EHBP1: variants seen among roughly 807,000 people sequenced by gnomAD.
EHBP1 encodes EH domain-binding protein 1.
Under a neutral mutation model 144.0 loss-of-function variants are expected in EHBP1, and 55 were observed. The ratio of observed to expected loss-of-function variants is 0.38; its 90% confidence interval spans 0.31 to 0.48. The LOEUF (loss-of-function observed/expected upper bound fraction) is 0.48. Among genes scored for constraint, EHBP1 ranks in the 20% least tolerant of loss-of-function variants. EHBP1 has a pLI of 0.98. For missense variants in EHBP1, 1,200 were observed against 1,364.2 expected (o/e 0.88, Z 1.90); for synonymous variants, 469 against 472.7 (o/e 0.99, Z 0.10).
intron 3 of EHBP1, 60 bp downstream of exon 3, chr2:62,747,512 G>T: frequency 7.9e-7 from 1 of 1,271,654 alleles, no homozygotes; most frequent in Non-Finnish European, 1.1e-6. Context: ...AAACTGCTCT[G>T]GTTCCAGTGT....
chr2:62,774,688 A>T (rs541925891), intron 5 of EHBP1, among the ~76,000 whole-genome samples: 7 of 152,056 alleles, frequency 4.6e-5, no homozygotes, highest in Admixed American at 2.6e-4. Context: ...ACAAAAAAAT[A>T]AAAAAAATTA....
chr2:63,003,874 G>A (rs2059935535), intron 19 of EHBP1, among the ~76,000 whole-genome samples: 1 of 152,018 alleles, frequency 6.6e-6, no homozygotes, highest in South Asian at 2.1e-4. Flanking sequence ...CACTATGTAA[G>A]GAGTTAAAAT....
intron 1 of EHBP1, chr2:62,674,124 G>A (rs1341611139): frequency 2.1e-6 from 1 of 471,130 alleles, no homozygotes; most frequent in Admixed American, 2.3e-5. Flanking sequence ...TAATGTTCTA[G>A]AAGCATCCCC....
intron 10 of EHBP1, among the ~76,000 whole-genome samples, chr2:62,933,260 G>T (rs1278465354): frequency 1.3e-5 from 2 of 151,730 alleles, no homozygotes; most frequent in Non-Finnish European, 2.9e-5. Context: ...TTTTTCCAGG[G>T]TCTAATATCT....
At chr2:62,867,520 A>G (rs140444201) in intron 9 of EHBP1, among the ~76,000 whole-genome samples, 3 of 152,314 alleles carry the variant, frequency 2.0e-5, no homozygotes, top group Non-Finnish European at 2.9e-5. Flanking sequence ...AAATTTGAAC[A>G]AAGATGTGCA....
At chr2:62,729,102 T>TA (rs1271643360) in intron 2 of EHBP1, among the ~76,000 whole-genome samples, 1 of 151,120 alleles carries the variant, frequency 6.6e-6, no homozygotes, top group Admixed American at 6.6e-5. Flanking sequence ...GCAGAAGACG[T>TA]AAGACAATAC....
chr2:62,966,020 A>G (rs902714227), intron 14 of EHBP1, among the ~76,000 whole-genome samples: 6 of 152,242 alleles, frequency 3.9e-5, no homozygotes, highest in African/African-American at 1.4e-4. Context: ...GAACAAGTTA[A>G]AAGTTTTAAA....
chr2:62,964,646 G>A (rs991565216), intron 14 of EHBP1, among the ~76,000 whole-genome samples: 1 of 152,152 alleles, frequency 6.6e-6, no homozygotes, highest in Non-Finnish European at 1.5e-5. Context: ...AAAATAATCT[G>A]AGTGTCTTTG....
chr2:62,695,904 G>A (rs1185162406), intron 1 of EHBP1, among the ~76,000 whole-genome samples: 2 of 151,964 alleles, frequency 1.3e-5, no homozygotes, highest in African/African-American at 4.8e-5. Context: ...GTAGAGACAG[G>A]GTTTTGACAC....
intron 2 of EHBP1, among the ~76,000 whole-genome samples, chr2:62,724,668 T>C (rs2036569153): frequency 6.6e-6 from 1 of 152,078 alleles, no homozygotes; most frequent in Admixed American, 6.5e-5. Context: ...TTATCCTATT[T>C]GATGGCCTAG....
At chr2:62,900,618 C>CT (rs1475308147) in intron 10 of EHBP1, among the ~76,000 whole-genome samples, 9 of 148,122 alleles carry the variant, frequency 6.1e-5, no homozygotes, top group Non-Finnish European at 1.3e-4. Context: ...GAGACCCTGT[C>CT]TTTAAAAAAA....
At chr2:62,731,507 T>TC (rs1473282329) in intron 2 of EHBP1, among the ~76,000 whole-genome samples, 1 of 152,184 alleles carries the variant, frequency 6.6e-6, no homozygotes, top group East Asian at 1.9e-4. Context: ...ATCTAGTTTT[T>TC]CACTGTTAAG....
At chr2:62,963,916 C>G (rs542328757) in intron 14 of EHBP1, among the ~76,000 whole-genome samples, 3 of 152,264 alleles carry the variant, frequency 2.0e-5, no homozygotes, top group South Asian at 2.1e-4. Flanking sequence ...CATTTCAGAC[C>G]AGTGAGACAC....
chr2:62,749,229 T>G (rs1035943414), intron 3 of EHBP1, among the ~76,000 whole-genome samples: 1 of 152,012 alleles, frequency 6.6e-6, no homozygotes. Context: ...AGTGAGAACA[T>G]GCAGTGTTTG....
chr2:62,902,563 G>A (rs2053499383), intron 10 of EHBP1, among the ~76,000 whole-genome samples: 1 of 151,764 alleles, frequency 6.6e-6, no homozygotes, highest in African/African-American at 2.4e-5. Flanking sequence ...TGGCTAAAGG[G>A]GTATCGTTAG....
intron 15 of EHBP1, 122 bp from the exon 16 acceptor site, chr2:62,990,594 T>A (rs1364189188): frequency 1.2e-5 from 12 of 1,025,984 alleles, no homozygotes; most frequent in African/African-American, 1.6e-5. Flanking sequence ...TCTAATCTAC[T>A]AATATCCTTT....
chr2:62,976,702 A>G (rs1468302383), intron 14 of EHBP1, among the ~76,000 whole-genome samples: 2 of 152,072 alleles, frequency 1.3e-5, no homozygotes, highest in African/African-American at 2.4e-5. Context: ...ATGGATTCCT[A>G]TAACTCATCA....
At chr2:62,695,179 CA>C (rs1378032641) in intron 1 of EHBP1, among the ~76,000 whole-genome samples, 1 of 152,038 alleles carries the variant, frequency 6.6e-6, no homozygotes, top group Non-Finnish European at 1.5e-5. Context: ...GCAACATTGG[CA>C]AAACTCCATT....
chr2:63,014,144 T>C, intron 19 of EHBP1, among the ~76,000 whole-genome samples: 1 of 152,226 alleles, frequency 6.6e-6, no homozygotes, highest in Non-Finnish European at 1.5e-5. Context: ...TTCTCATCAT[T>C]GCATAGTTTG....
Sources: gnomAD v4.1 joint callset for allele counts (sites outside exome capture counted in the v4.1 genomes callset) on GRCh38, gnomAD v4.1.1 for gene constraint, MANE v1.5 for transcripts, NCBI Gene and HGNC (gene_info 2026-07-23, HGNC 2026-07-21) for gene names.